Variants in ZBTB20 observed in about 807,000 individuals in gnomAD.
The protein encoded by ZBTB20 is zinc finger and BTB domain containing 20.
ZBTB20 carries 9 observed loss-of-function variants against 56.9 expected under a neutral mutation model. That is an observed-to-expected ratio of 0.16 (90% CI 0.10 to 0.28). ZBTB20 has a LOEUF of 0.28. ZBTB20 is among the 10% of genes least tolerant of loss of function. The pLI is 1.00. For missense variants in ZBTB20, 655 were observed against 1,003.0 expected, an observed-to-expected ratio of 0.65 and a Z score of 4.69; for synonymous variants, 417 against 420.7, an observed-to-expected ratio of 0.99 and a Z score of 0.11.
At chr3:114,576,370 C>T (rs1175420242) in intron 6 of ZBTB20, among the ~76,000 whole-genome samples, 10 of 151,002 alleles carry the variant, frequency 6.6e-5, no homozygotes, top group South Asian at 4.2e-4. Context: ...GGCGTGGTGG[C>T]GGGCGCCTGT....
At chr3:114,655,242 CTTT>C (rs3085998) in intron 6 of ZBTB20, among the ~76,000 whole-genome samples, 11 of 91,644 alleles carry the variant, frequency 1.2e-4, no homozygotes, top group African/African-American at 6.0e-4. Context: ...TTTTCCTTTC[CTTT>C]TTTTTTTTTT....
intron 6 of ZBTB20, among the ~76,000 whole-genome samples, chr3:114,570,840 A>G (rs2053345714): frequency 1.3e-5 from 2 of 152,254 alleles, no homozygotes; most frequent in Admixed American, 1.3e-4. Context: ...TTGGGCTCTC[A>G]ATCAAAGTGA....
At chr3:114,786,619 T>C (rs966559250) in intron 5 of ZBTB20, among the ~76,000 whole-genome samples, 2 of 145,120 alleles carry the variant, frequency 1.4e-5, no homozygotes. Flanking sequence ...TGGAAAATAG[T>C]ACATAGAAAT....
intron 6 of ZBTB20, among the ~76,000 whole-genome samples, chr3:114,558,324 A>T (rs973608319): frequency 7.2e-5 from 11 of 152,002 alleles, no homozygotes; most frequent in Non-Finnish European, 1.6e-4. Flanking sequence ...GTTGCTAAGG[A>T]CTTTATCAGT....
chr3:114,368,719 G>A (rs979335969), intron 10 of ZBTB20, among the ~76,000 whole-genome samples: 3 of 152,252 alleles, frequency 2.0e-5, no homozygotes, highest in Non-Finnish European at 4.4e-5. Flanking sequence ...CTGCTCTGGA[G>A]CAGGGCTGGA....
intron 4 of ZBTB20, among the ~76,000 whole-genome samples, chr3:114,852,047 T>C (rs753974662): frequency 6.6e-6 from 1 of 152,074 alleles, no homozygotes; most frequent in African/African-American, 2.4e-5. Context: ...TGCTTGATTT[T>C]TCTTATTCAC....
At chr3:114,556,455 A>G (rs1386240469) in intron 6 of ZBTB20, among the ~76,000 whole-genome samples, 1 of 149,682 alleles carries the variant, frequency 6.7e-6, no homozygotes, top group East Asian at 1.9e-4. Flanking sequence ...ACCCTTCAGG[A>G]TGTAGCATCC....
intron 7 of ZBTB20, among the ~76,000 whole-genome samples, chr3:114,448,574 A>G (rs2091413690): frequency 6.6e-6 from 1 of 152,186 alleles, no homozygotes; most frequent in South Asian, 2.1e-4. Context: ...ATGTATAGAT[A>G]TCACATATAG....
chr3:115,015,105 A>G (rs1290412031), intron 2 of ZBTB20, among the ~76,000 whole-genome samples: 3 of 151,816 alleles, frequency 2.0e-5, no homozygotes, highest in Non-Finnish European at 4.4e-5. Flanking sequence ...GATGCCCTAT[A>G]TGCTATGCAA....
chr3:114,646,990 G>C (rs1218586734), intron 6 of ZBTB20, among the ~76,000 whole-genome samples: 2 of 151,672 alleles, frequency 1.3e-5, no homozygotes, highest in Non-Finnish European at 2.9e-5. Flanking sequence ...ACAGAGTCTT[G>C]CTCTGTTGCC....
At chr3:114,737,555 G>T (rs1207297755) in intron 5 of ZBTB20, among the ~76,000 whole-genome samples, 1 of 151,906 alleles carries the variant, frequency 6.6e-6, no homozygotes, top group African/African-American at 2.4e-5. Flanking sequence ...GCTATTCATG[G>T]GAATAGCAAA....
chr3:114,430,808 T>C (rs1199557188), intron 7 of ZBTB20, among the ~76,000 whole-genome samples: 2 of 152,160 alleles, frequency 1.3e-5, no homozygotes, highest in Admixed American at 6.5e-5. Flanking sequence ...TAACTGCCAG[T>C]AGATAGGGTT....
chr3:114,882,912 G>C (rs1024581154), intron 4 of ZBTB20, among the ~76,000 whole-genome samples: 1 of 152,110 alleles, frequency 6.6e-6, no homozygotes, highest in African/African-American at 2.4e-5. Context: ...AGATTGTTCA[G>C]TGTAATGGTA....
chr3:114,687,224 T>C (rs79852532), intron 6 of ZBTB20: 6 of 151,570 alleles, frequency 4.0e-5, no homozygotes, highest in African/African-American at 1.2e-4. Context: ...TTTTTTTTTT[T>C]CTGGAGACCA....
rs371205184 is a variant in ZBTB20, at chr3:114,602,471, TC to T, written c.-295+91056del. On this transcript the variant is annotated intron_variant, in intron 6 of 11. Transcript: ENST00000675478. ...TTAGGATTCTTTGATAGAAGGTGTT[TC>T]CCAGCACCTTCTGTTATGCTCCCTC... 3.8e-3 allele frequency among the ~76,000 whole-genome samples: 584 copies of T among 152,136 alleles called. 3 individuals carry two copies. Among genetic ancestry groups the T allele is most frequent in the African/African-American group, 0.013 (544 of 41,550 alleles).
intron 7 of ZBTB20, among the ~76,000 whole-genome samples, chr3:114,452,140 A>G (rs568223234): frequency 6.6e-6 from 1 of 152,302 alleles, no homozygotes; most frequent in East Asian, 1.9e-4. Flanking sequence ...CCACAGCAAC[A>G]AAAGAATTCA....
intron 5 of ZBTB20, among the ~76,000 whole-genome samples, chr3:114,783,592 G>A (rs2070271826): frequency 1.3e-5 from 2 of 151,864 alleles, no homozygotes; most frequent in South Asian, 4.2e-4. Context: ...TCACGAGATC[G>A]AGACCAGCTT....
chr3:114,877,197 A>G (rs1457308262), intron 4 of ZBTB20, among the ~76,000 whole-genome samples: 1 of 152,228 alleles, frequency 6.6e-6, no homozygotes, highest in African/African-American at 2.4e-5. Flanking sequence ...TAACTACTTA[A>G]TCAACCATTA....
At chr3:114,964,895 T>C (rs1392291483) in intron 3 of ZBTB20, among the ~76,000 whole-genome samples, 1 of 152,192 alleles carries the variant, frequency 6.6e-6, no homozygotes, top group Non-Finnish European at 1.5e-5. Context: ...CTTCTAAGCC[T>C]ACTGATCTTT....
Sources: gnomAD v4.1 joint callset for allele counts (sites outside exome capture counted in the v4.1 genomes callset) on GRCh38, gnomAD v4.1.1 for gene constraint, MANE v1.5 for transcripts, NCBI Gene and HGNC (gene_info 2026-07-23, HGNC 2026-07-21) for gene names.